BRF1: variants seen among roughly 807,000 people sequenced by gnomAD.
BRF1 encodes transcription factor IIIB 90 kDa subunit.
BRF1 carries 59 observed loss-of-function variants against 81.7 expected under a neutral mutation model. The ratio of observed to expected loss-of-function variants is 0.72; its 90% CI spans 0.59 to 0.90. The LOEUF (loss-of-function observed/expected upper bound fraction) is 0.90. BRF1 is among the 40% of genes least tolerant of loss of function. The pLI, the probability that BRF1 is intolerant of heterozygous loss-of-function variation, is 0.00. For missense variants in BRF1, 1,050 were observed against 936.3 expected, an observed-to-expected ratio of 1.12 and a Z score of -1.58; for synonymous variants, 491 against 395.6, an observed-to-expected ratio of 1.24 and a Z score of -2.86.
intron 1 of BRF1, among the ~76,000 whole-genome samples, chr14:105,294,391 C>A (rs939582086): frequency 6.6e-6 from 1 of 152,270 alleles, no homozygotes; most frequent in African/African-American, 2.4e-5. Context: ...ACACCACCAT[C>A]CTCCCCCGGC....
Position 105,286,322 on chromosome 14 carries a change from T to C in BRF1, c.239A>G (p.Glu80Gly). The C allele has an allele frequency of 1.2e-6, 2 of 1,613,728 alleles. No homozygotes were observed. Among genetic ancestry groups the C allele is most frequent in the Non-Finnish European group, 1.7e-6 (2 of 1,179,894 alleles). ...GGGFHVNLGKESRAQTLQNGR... is the reference protein window; with the variant it reads ...GGGFHVNLGKGSRAQTLQNGR... ...ATTCTGCAGGGTCTGCGCTCTCGACTCCTTCCCCAGATTCACGTGGAAGCC... is the reference window on the plus strand; with the variant it reads ...ATTCTGCAGGGTCTGCGCTCTCGACCCCTTCCCCAGATTCACGTGGAAGCC... Residue 80 changes from glutamate to glycine, a missense_variant, in exon 2 of 18, where the codon GAG becomes GGG. Physicochemically the swap from Glu to Gly is moderately conservative, Grantham distance 98. Coordinates refer to ENST00000547530, the MANE Select transcript of BRF1 (RefSeq NM_001519.4).
chr14:105,220,102 G>A lies in BRF1; in HGVS notation c.1344C>T (p.Asp448=). 1 of 1,613,450 alleles carries A rather than the reference G, an allele frequency of 6.2e-7. No individual in the cohort carries two copies. The highest frequency in any genetic ancestry group is 8.5e-7 in the Non-Finnish European group (1 of 1,180,018). The stretch of plus-strand genomic sequence containing the variant: ...TCTCCAGGTCATCAATGCCACTGAG[G>A]TCCAGCTCACCGTCTCCTGAAGCAT... The part of the protein sequence containing the change: ...PKDASGDGEL[D]LSGIDDLEID... The change falls in exon 12 of 18, where the codon GAC becomes GAT. Residue 448 remains aspartate (D), a synonymous_variant. Coordinates refer to ENST00000547530, the MANE Select transcript of BRF1 (RefSeq NM_001519.4).
At chr14:105,211,877 G>A (rs587653294) in intron 16 of BRF1, 94 of 593,516 alleles carry the variant, frequency 1.6e-4, no homozygotes, top group African/African-American at 1.5e-3. Context: ...CTTGGCCCGA[G>A]CGCTGAGCAG....
At chr14:105,225,650 C>CTT (rs35252957) in intron 10 of BRF1, among the ~76,000 whole-genome samples, 55 of 148,968 alleles carry the variant, frequency 3.7e-4, no homozygotes, top group African/African-American at 1.1e-3. Flanking sequence ...AACTTACATT[C>CTT]TTTTTTTTTT....
At position 105,241,397 on chromosome 14, in the gene BRF1, G is replaced by T; in HGVS notation, c.562C>A (p.Pro188Thr). The change falls in exon 6 of 18, where the codon CCA (proline) becomes ACA (threonine). Residue 188 changes from proline to threonine, a missense_variant. Physicochemically the swap from Pro to Thr is conservative, Grantham distance 38. Transcript: ENST00000547530. Reference sequence around the variant, plus strand: ...AATTCCAGCAGGTGCGCAAAGCGTGGAATATACAGGCACGGGTCTGCGGCA... The same window carrying T: ...AATTCCAGCAGGTGCGCAAAGCGTGTAATATACAGGCACGGGTCTGCGGCA... ...APAIDPCLYI[P>T]RFAHLLEFGE... 6.2e-7 allele frequency: 1 copy of T among 1,612,438 alleles called. No homozygotes were observed.
rs914203074 is a variant in BRF1 at position 105,248,168 on chromosome 14, A to C, written c.544+4339T>G. The stretch of plus-strand genomic sequence containing the variant: ...AGCAGAGTGGACCGCGCTCTCTGCA[A>C]GCGCTGGCTGCTGGCGTCCGTAGCA... On this transcript the variant is annotated intron_variant, in intron 5 of 17. Transcript: ENST00000547530. 5.8e-5 allele frequency: 57 copies of C among 985,488 alleles called. No individual in the cohort carries two copies. The Admixed American group carries it at 6.1e-4, about 11-fold the overall frequency. 61.0% of individuals were successfully genotyped at this position (985,488 alleles called of 1,614,324 possible). A position where few individuals can be genotyped will look rare whatever the true frequency, so the allele number is the denominator to read the frequency against.
At chr14:105,300,071 G>A (rs1030994256) in intron 1 of BRF1, among the ~76,000 whole-genome samples, 1 of 152,220 alleles carries the variant, frequency 6.6e-6, no homozygotes, top group Non-Finnish European at 1.5e-5. Context: ...TAACCACCAA[G>A]GCCAAGGGCA....
intron 15 of BRF1, among the ~76,000 whole-genome samples, chr14:105,216,819 G>A (rs1891401737): frequency 6.6e-6 from 1 of 152,220 alleles, no homozygotes; most frequent in Non-Finnish European, 1.5e-5. Context: ...CGGAGACTCG[G>A]TGGGGTGGAG....
At chr14:105,215,668 C>T (rs587753133) in intron 15 of BRF1, among the ~76,000 whole-genome samples, 1 of 140,294 alleles carries the variant, frequency 7.1e-6, no homozygotes, top group African/African-American at 2.7e-5. Flanking sequence ...ACTGCATACA[C>T]AGGCACACAC....
In BRF1 at chr14:105,309,776, CT is replaced by C. The variant is rs928875653; in HGVS notation, c.-162+5545del. ...TTAAGGAGAAGGTGGTGATGTGTGTCTTTTTTTTTTTTTTTTTTTTTTTTTT... is the reference window on the plus strand; with the variant it reads ...TTAAGGAGAAGGTGGTGATGTGTGTCTTTTTTTTTTTTTTTTTTTTTTTTT... On this transcript the variant is annotated intron_variant, in intron 1 of 17. Coordinates refer to the BRF1 transcript ENST00000327359. The surrounding 1 kb of genome is among the most constrained non-coding windows in gnomAD (Gnocchi z 4.0). Among the ~76,000 whole-genome samples, 1,778 of 89,222 alleles carry C rather than the reference CT, an allele frequency of 0.02. 32 individuals carry two copies. The highest frequency in any genetic ancestry group is 0.051 in the Admixed American group (395 of 7,806). 58.5% of individuals were successfully genotyped at this position (89,222 alleles called of 152,430 possible).
At position 105,226,255 on chromosome 14, in the gene BRF1, A is replaced by C; in HGVS notation, c.951T>G (p.Val317=). 6.2e-7 allele frequency: 1 copy of C among 1,614,092 alleles called. No homozygotes were observed. Among genetic ancestry groups the C allele is most frequent in the South Asian group, 1.1e-5 (1 of 91,088 alleles). Residue 317 remains valine (V), a synonymous_variant, in exon 9 of 18, where the codon GTT becomes GTG. Coordinates refer to ENST00000547530, the MANE Select transcript of BRF1 (RefSeq NM_001519.4). Reference sequence around the variant, plus strand: ...ATGGGAAGATTGGTTGGTTACCTTCAACCTCCTCCAGTTTTTTTGACAGGA... The same window carrying C: ...ATGGGAAGATTGGTTGGTTACCTTCCACCTCCTCCAGTTTTTTTGACAGGA... ...EQVLSKKLEE[V]EGEISSYQDA... is the part of the protein sequence containing the mutation.
chr14:105,250,073 A>G lies in BRF1; in HGVS notation c.544+2434T>C, dbSNP rs759197834. Reference sequence around the variant, plus strand: ...AGCCCTCTATCTGGTCCGAATTCCAACCATGACCCTAGAGGAGTTTGCCAA... The same window carrying G: ...AGCCCTCTATCTGGTCCGAATTCCAGCCATGACCCTAGAGGAGTTTGCCAA... On this transcript the variant is annotated intron_variant, in intron 5 of 17. Transcript: ENST00000547530. 13 of 1,612,998 alleles carry G rather than the reference A, an allele frequency of 8.1e-6. No homozygotes were observed. In the South Asian group the frequency reaches 1.2e-4, roughly 15 times the overall value.
At chr14:105,279,335 T>C (rs2056974954) in intron 2 of BRF1, among the ~76,000 whole-genome samples, 1 of 152,062 alleles carries the variant, frequency 6.6e-6, no homozygotes, top group Non-Finnish European at 1.5e-5. Flanking sequence ...ATCCAGAATA[T>C]ATAAAGAACT....
At chr14:105,211,842 C>G in intron 16 of BRF1, 3 of 538,188 alleles carry the variant, frequency 5.6e-6, no homozygotes, top group Non-Finnish European at 1.0e-5. Flanking sequence ...CTGCAGGCAC[C>G]AGGCCCACAG....
chr14:105,301,436 G>GGGCCGAGCGTGGTGGGCGGGGC (rs1322946452), upstream of BRF1, among the ~76,000 whole-genome samples: 1 of 151,646 alleles, frequency 6.6e-6, no homozygotes, highest in Non-Finnish European at 1.5e-5. Context: ...TGAGGCGAGG[G>GGGCCGAGCGTGGTGGGCGGGGC]GGCCGAGCGT....
At chr14:105,226,215 A>G in intron 9 of BRF1, 36 bp downstream of exon 9, 1 of 1,614,038 alleles carries the variant, frequency 6.2e-7, no homozygotes. Context: ...TTTCCCAACA[A>G]AACAGAAGCA....
chr14:105,258,402 T>C (rs1036953316), intron 3 of BRF1, among the ~76,000 whole-genome samples: 3 of 150,412 alleles, frequency 2.0e-5, no homozygotes, highest in East Asian at 1.9e-4. Context: ...GGCAGGAGAA[T>C]GGCGTGAACC....
Position 105,288,552 on chromosome 14 carries a change from G to C in BRF1, c.185-2176C>G, listed in dbSNP as rs961360564. Among the ~76,000 whole-genome samples, 9 of 152,264 alleles carry C rather than the reference G, an allele frequency of 5.9e-5. 1 individual carries two copies. In the South Asian group the frequency reaches 1.9e-3, roughly 32 times the overall value. On this transcript the variant is annotated intron_variant, in intron 1 of 17. Transcript: ENST00000547530. ...CACCTGTGGTCCCAACACTTTGGGA[G>C]GCCGGAGCAGGAAGATCGCCCAACC...
At chr14:105,228,615 C>T (rs1458199287) in intron 7 of BRF1, among the ~76,000 whole-genome samples, 1 of 151,794 alleles carries the variant, frequency 6.6e-6, no homozygotes, top group African/African-American at 2.4e-5. Context: ...CCCAGAAGGA[C>T]TAGCAGGGAA....
Sources: allele counts gnomAD v4.1 joint callset (sites outside exome capture counted in the v4.1 genomes callset), GRCh38; gene constraint gnomAD v4.1.1; non-coding constraint Gnocchi (gnomAD v3.1); transcripts MANE v1.5; gene names NCBI Gene and HGNC (gene_info 2026-07-23, HGNC 2026-07-21).